SCRT2: variants seen among roughly 807,000 people sequenced by gnomAD.
The protein encoded by SCRT2 is transcriptional repressor scratch 2.
A neutral mutation model predicts 3.7 loss-of-function variants in SCRT2; 2 were observed. That is an observed-to-expected ratio of 0.54 (90% CI 0.22 to 1.70). SCRT2 has a LOEUF of 1.70. Ranked by LOEUF, SCRT2 falls within the 40% of genes most tolerant of loss-of-function variation. The pLI, the probability that SCRT2 is intolerant of heterozygous loss-of-function variation, is 0.19. For missense variants in SCRT2, 456 were observed against 468.5 expected (o/e 0.97, Z 0.25); for synonymous variants, 256 against 220.6 (o/e 1.16, Z -1.42).
chr20:674,300 A>G (rs1984439255), intron 1 of SCRT2, among the ~76,000 whole-genome samples: 1 of 144,786 alleles, frequency 6.9e-6, no homozygotes, highest in Non-Finnish European at 1.5e-5. Context: ...TTGCCATCTC[A>G]GTTCCCCCCT....
rs887173563 is a variant in SCRT2 at position 666,299 on chromosome 20, G to A, written c.134-1838C>T. Among the ~76,000 whole-genome samples the A allele has an allele frequency of 3.3e-5, 5 of 152,054 alleles. No homozygotes were observed. In the East Asian group the frequency reaches 5.8e-4, roughly 18 times the overall value. Reference sequence around the variant, plus strand: ...TGGAGGTCCCCCTGCTTCCCACTCCGGGAACCAGGCCTGGTACTCAGGTCC... The same window carrying A: ...TGGAGGTCCCCCTGCTTCCCACTCCAGGAACCAGGCCTGGTACTCAGGTCC... On this transcript the variant is annotated intron_variant, in intron 1 of 1. Transcript: ENST00000246104. This position sits in a 1 kb window ranked among gnomAD's most constrained non-coding sequence, Gnocchi z 4.4.
At position 664,127 on chromosome 20, in the gene SCRT2, C is replaced by A; in HGVS notation, c.468G>T (p.Ala156=). ...CGTAGGTCTTGCCGCACTCGGCGCA[C>A]GCGTGCCGGTGCCCGCCGCCCGCCT... ...GAQAGGGHRH[A]CAECGKTYAT... The change falls in exon 2 of 2, where the codon GCG becomes GCT. Residue 156 remains alanine (A), a synonymous_variant. Transcript: ENST00000246104. This position sits in a 1 kb window ranked among gnomAD's most constrained non-coding sequence, Gnocchi z 7.9. The A allele has an allele frequency of 6.6e-7, 1 of 1,510,740 alleles. No homozygotes were observed. The highest frequency in any genetic ancestry group is 8.9e-7 in the Non-Finnish European group (1 of 1,128,384). The allele number at this position is 1,510,740 out of a possible 1,614,324, so 93.6% of individuals were successfully genotyped here.
Position 664,397 on chromosome 20 carries a change from C to T in SCRT2, c.198G>A (p.Leu66=). 7.2e-7 allele frequency: 1 copy of T among 1,397,238 alleles called. No individual in the cohort carries two copies. The highest frequency in any genetic ancestry group is 1.5e-5 in the African/African-American group (1 of 67,934). 86.6% of individuals were successfully genotyped at this position (1,397,238 alleles called of 1,614,324 possible). ...YDADQKPGLE[L]APAEPAYPPA... is the part of the protein sequence containing the mutation. ...GCGGGTACGCGGGCTCGGCCGGGGC[C>T]AGCTCCAGGCCCGGCTTCTGGTCCG... is the stretch of plus-strand genomic sequence containing the variant. The change falls in exon 2 of 2, where the codon CTG becomes CTA. Residue 66 remains leucine (L), a synonymous_variant. Coordinates refer to ENST00000246104, the MANE Select transcript of SCRT2 (RefSeq NM_033129.4). The surrounding 1 kb of genome is among the most constrained non-coding windows in gnomAD (Gnocchi z 7.9).
intron 1 of SCRT2, among the ~76,000 whole-genome samples, chr20:668,804 TC>T (rs1984237578): frequency 6.6e-6 from 1 of 152,218 alleles, no homozygotes; most frequent in African/African-American, 2.4e-5. Flanking sequence ...TGCTGGGCCC[TC>T]TGCAGACACT....
At chr20:674,397 TCTCACACACACACACA>T (rs1217393083) in intron 1 of SCRT2, among the ~76,000 whole-genome samples, 2 of 96,094 alleles carry the variant, frequency 2.1e-5, no homozygotes, top group African/African-American at 3.8e-5. Flanking sequence ...TCTCTCTCTC[TCTCACACACACACACA>T]CACACACACA....
chr20:664,431 C>T lies in SCRT2; in HGVS notation c.164G>A (p.Ser55Asn), dbSNP rs771132894. The T allele has an allele frequency of 1.5e-6, 2 of 1,311,100 alleles. No homozygotes were observed. The highest frequency in any genetic ancestry group is 9.8e-7 in the Non-Finnish European group (1 of 1,023,518). The allele number at this position is 1,311,100 out of a possible 1,614,324, so 81.2% of individuals were successfully genotyped here. ...GYAPHRLPPSSYDADQKPGLE... is the reference protein window; with the variant it reads ...GYAPHRLPPSNYDADQKPGLE... Reference sequence around the variant, plus strand: ...GCCCGGCTTCTGGTCCGCATCGTAGCTGCTCGGGGGCAGGCGGTGCGGGGC... The same window carrying T: ...GCCCGGCTTCTGGTCCGCATCGTAGTTGCTCGGGGGCAGGCGGTGCGGGGC... The change falls in exon 2 of 2, where the codon AGC becomes AAC. Residue 55 changes from serine to asparagine, a missense_variant. Coordinates refer to ENST00000246104, the MANE Select transcript of SCRT2 (RefSeq NM_033129.4). This position sits in a 1 kb window ranked among gnomAD's most constrained non-coding sequence, Gnocchi z 7.9.
chr20:673,389 C>A (rs1568658457), intron 1 of SCRT2, among the ~76,000 whole-genome samples: 2 of 152,238 alleles, frequency 1.3e-5, no homozygotes, highest in Non-Finnish European at 2.9e-5. Context: ...AAAACTCTTT[C>A]ACTGCTGGGG....
chr20:672,632 A>G (rs1295140516), intron 1 of SCRT2, among the ~76,000 whole-genome samples: 2 of 134,120 alleles, frequency 1.5e-5, no homozygotes, highest in African/African-American at 2.7e-5. Context: ...CGCCAGCCTC[A>G]TCCTGACCCT....
intron 1 of SCRT2, among the ~76,000 whole-genome samples, chr20:670,377 A>G (rs1599924061): frequency 1.3e-5 from 2 of 151,546 alleles, no homozygotes; most frequent in Admixed American, 6.6e-5. Context: ...CCCATTCCAA[A>G]CCCCTCCCTA....
rs114893959 is a variant in SCRT2 at position 671,104 on chromosome 20, T to C, written c.133+4365A>G. ...TGAGAGCGGATCTGGACAATGACCT[T>C]GGACTGGAAACTGGGCCTGAATCTT... On this transcript the variant is annotated intron_variant, in intron 1 of 1. Transcript: ENST00000246104. Among the ~76,000 whole-genome samples the C allele has an allele frequency of 5.6e-3, 850 of 152,296 alleles. 10 individuals are homozygous for C. The highest frequency in any genetic ancestry group is 0.019 in the African/African-American group (805 of 41,558).
intron 1 of SCRT2, among the ~76,000 whole-genome samples, chr20:673,374 C>T (rs1984407457): frequency 6.6e-6 from 1 of 152,206 alleles, no homozygotes; most frequent in Non-Finnish European, 1.5e-5. Flanking sequence ...TTAGTTTATG[C>T]CATCAAAACT....
chr20:673,218 AGGT>A (rs1251159379), intron 1 of SCRT2, among the ~76,000 whole-genome samples: 1 of 152,226 alleles, frequency 6.6e-6, no homozygotes, highest in Non-Finnish European at 1.5e-5. Flanking sequence ...ACCCTCAGCC[AGGT>A]GGCGTATGTT....
rs1164179453 is a variant in SCRT2 at position 666,900 on chromosome 20, T to C, written c.134-2439A>G. ...TTCCAGCTGAGTGCCTTTGGGTGGG[T>C]TGTGCTTCAGGTCCTTTTTTTTTAA... is the stretch of plus-strand genomic sequence containing the variant. On this transcript the variant is annotated intron_variant, in intron 1 of 1. Coordinates refer to ENST00000246104, the MANE Select transcript of SCRT2 (RefSeq NM_033129.4). The surrounding 1 kb of genome is among the most constrained non-coding windows in gnomAD (Gnocchi z 4.4). 6.6e-6 allele frequency among the ~76,000 whole-genome samples: 1 copy of C among 152,178 alleles called. No individual in the cohort carries two copies. Among genetic ancestry groups the C allele is most frequent in the Non-Finnish European group, 1.5e-5 (1 of 68,020 alleles).
rs1214660671 is a variant in SCRT2, at chr20:666,458, CACTT to C, written c.134-2001_134-1998del. 1.3e-5 allele frequency among the ~76,000 whole-genome samples: 2 copies of C among 152,202 alleles called. No homozygotes were observed. Among genetic ancestry groups the C allele is most frequent in the Non-Finnish European group, 2.9e-5 (2 of 68,036 alleles). ...ATAATAATAGCTAATATTCACTGAG[CACTT>C]ACTGTGTGCACCAGGCTCTGTGCTA... is the stretch of plus-strand genomic sequence containing the variant. On this transcript the variant is annotated intron_variant, in intron 1 of 1. Transcript: ENST00000246104. The surrounding 1 kb of genome is among the most constrained non-coding windows in gnomAD (Gnocchi z 4.4).
At chr20:669,217 C>T (rs1984253035) in intron 1 of SCRT2, among the ~76,000 whole-genome samples, 1 of 152,210 alleles carries the variant, frequency 6.6e-6, no homozygotes, top group Non-Finnish European at 1.5e-5. Context: ...GTAAATCATA[C>T]TTAATAACAG....
At position 664,371 on chromosome 20, in the gene SCRT2, G is replaced by A; in HGVS notation, c.224C>T (p.Pro75Leu). Residue 75 changes from proline (P) to leucine (L), a missense_variant, in exon 2 of 2, where the codon CCG becomes CTG. By Grantham distance (98) the Pro-to-Leu change is moderately conservative (BLOSUM62 -3). Transcript: ENST00000246104. The surrounding 1 kb of genome is among the most constrained non-coding windows in gnomAD (Gnocchi z 7.9). ...GTCGCTGTACTCCTCCGGCGCCGCC[G>A]GCGGGTACGCGGGCTCGGCCGGGGC... ...ELAPAEPAYPPAAPEEYSDPE... is the reference protein window; with the variant it reads ...ELAPAEPAYPLAAPEEYSDPE... 1 of 1,441,486 alleles carries A rather than the reference G, an allele frequency of 6.9e-7. No individual in the cohort carries two copies. The highest frequency in any genetic ancestry group is 9.2e-7 in the Non-Finnish European group (1 of 1,084,174). The allele number at this position is 1,441,486 out of a possible 1,614,324, so 89.3% of individuals were successfully genotyped here. A position where few individuals can be genotyped will look rare whatever the true frequency, so the allele number is the denominator to read the frequency against.
chr20:662,215 G>T lies in SCRT2; in HGVS notation c.*1456C>A, dbSNP rs553195919. On this transcript the variant is annotated 3_prime_UTR_variant, in exon 2 of 2. Coordinates refer to ENST00000246104, the MANE Select transcript of SCRT2 (RefSeq NM_033129.4). ...CGGGAGAGAGCGCCCCTCCCGGGGA[G>T]CAGGCCAGAGGCCCCAGCGGGTCCG... 1.1e-3 allele frequency: 161 copies of T among 152,848 alleles called. 1 individual carries two copies. The highest frequency in any genetic ancestry group is 3.7e-3 in the African/African-American group (153 of 41,584). 9.5% of individuals were successfully genotyped at this position (152,848 alleles called of 1,614,324 possible).
chr20:675,342 C>CT lies in SCRT2; in HGVS notation c.133+126_133+127insA. On this transcript the variant is annotated intron_variant, in intron 1 of 1. Transcript: ENST00000246104. The surrounding 1 kb of genome is among the most constrained non-coding windows in gnomAD (Gnocchi z 6.9). ...CCTTGGAAAGCCCGGGAGGAGCCCA[C>CT]GGCCAGAGAGATCTCCTCCCGGGGG... The CT allele has an allele frequency of 2.4e-6, 2 of 819,954 alleles. No homozygotes were observed. Among genetic ancestry groups the CT allele is most frequent in the Non-Finnish European group, 1.6e-6 (1 of 608,252 alleles). The allele number at this position is 819,954 out of a possible 1,614,324, so 50.8% of individuals were successfully genotyped here.
rs183669874 is a variant in SCRT2, at chr20:667,206, A to G, written c.134-2745T>C. On this transcript the variant is annotated intron_variant, in intron 1 of 1. Coordinates refer to ENST00000246104, the MANE Select transcript of SCRT2 (RefSeq NM_033129.4). This position sits in a 1 kb window ranked among gnomAD's most constrained non-coding sequence, Gnocchi z 4.4. ...GCACTCTTACAAGGGCTTTCCACAC[A>G]TGAAAGCATTCTACCCCCATGACAC... 3.9e-4 allele frequency among the ~76,000 whole-genome samples: 60 copies of G among 152,298 alleles called. 1 individual carries two copies. The East Asian group carries it at 0.012, about 29-fold the overall frequency.
Sources: gnomAD v4.1 joint callset for allele counts (sites outside exome capture counted in the v4.1 genomes callset) on GRCh38, gnomAD v4.1.1 for gene constraint, Gnocchi (gnomAD v3.1) non-coding constraint, MANE v1.5 for transcripts, NCBI Gene and HGNC (gene_info 2026-07-23, HGNC 2026-07-21) for gene names.